EPB41L2: variants seen among roughly 807,000 people sequenced by gnomAD.
EPB41L2 encodes the protein erythrocyte membrane protein band 4.1 like 2.
Under a neutral mutation model 113.0 loss-of-function variants are expected in EPB41L2, and 43 were observed. The ratio of observed to expected loss-of-function variants is 0.38; its 90% CI spans 0.30 to 0.49. The LOEUF is 0.49. EPB41L2 is among the 20% of genes least tolerant of loss of function. EPB41L2 has a pLI of 0.95. For synonymous variants in EPB41L2, 442 were observed against 436.7 expected (o/e 1.01, Z -0.15); for missense variants, 1,147 against 1,223.4 (o/e 0.94, Z 0.93).
At chr6:130,993,921 G>A (rs1433348770) in intron 1 of EPB41L2, among the ~76,000 whole-genome samples, 2 of 152,128 alleles carry the variant, frequency 1.3e-5, no homozygotes, top group East Asian at 3.8e-4. Flanking sequence ...AAGCTTCCAG[G>A]TATAAGGTTA....
intron 1 of EPB41L2, among the ~76,000 whole-genome samples, chr6:130,999,222 C>T (rs2128708997): frequency 6.6e-6 from 1 of 152,274 alleles, no homozygotes; most frequent in East Asian, 1.9e-4. Context: ...CACTTTTCTA[C>T]ACTCTAGGCC....
intron 1 of EPB41L2, among the ~76,000 whole-genome samples, chr6:131,012,020 C>T (rs749287437): frequency 7.9e-5 from 12 of 152,162 alleles, no homozygotes; most frequent in Non-Finnish European, 1.3e-4. Context: ...GCCTGGCCAA[C>T]ATGGCAATAC....
chr6:130,992,544 C>T (rs1782128133), intron 1 of EPB41L2, among the ~76,000 whole-genome samples: 1 of 152,158 alleles, frequency 6.6e-6, no homozygotes, highest in South Asian at 2.1e-4. Context: ...CTCAATACAG[C>T]CATCATTCCT....
chr6:130,969,915 A>G (rs1776342998), intron 1 of EPB41L2, among the ~76,000 whole-genome samples: 1 of 152,238 alleles, frequency 6.6e-6, no homozygotes, highest in East Asian at 1.9e-4. Flanking sequence ...TATAAAAGAA[A>G]CCAACTAGCT....
intron 1 of EPB41L2, among the ~76,000 whole-genome samples, chr6:130,966,088 T>C (rs1487020774): frequency 1.3e-5 from 2 of 152,184 alleles, no homozygotes; most frequent in Admixed American, 1.3e-4. Context: ...CAAATTTGTG[T>C]TGGGCAGGAT....
chr6:130,844,442 G>C (rs1776387815), intron 19 of EPB41L2, among the ~76,000 whole-genome samples: 1 of 151,538 alleles, frequency 6.6e-6, no homozygotes, highest in Non-Finnish European at 1.5e-5. Flanking sequence ...CATGGTGGTG[G>C]GCGCCTGTAG....
chr6:130,970,812 C>A (rs9398967), intron 1 of EPB41L2, among the ~76,000 whole-genome samples: 1 of 152,038 alleles, frequency 6.6e-6, no homozygotes, highest in South Asian at 2.1e-4. Context: ...AGTACCAAAC[C>A]CAACTCATCA....
intron 1 of EPB41L2, among the ~76,000 whole-genome samples, chr6:131,036,030 G>A (rs1793234659): frequency 6.6e-6 from 1 of 152,158 alleles, no homozygotes; most frequent in Admixed American, 6.6e-5. Flanking sequence ...CTGGATCTGA[G>A]GCTAATTTGC....
At chr6:130,959,109 G>A (rs1486829329) in intron 1 of EPB41L2, among the ~76,000 whole-genome samples, 1 of 152,158 alleles carries the variant, frequency 6.6e-6, no homozygotes, top group Non-Finnish European at 1.5e-5. Flanking sequence ...TGATGTCCGG[G>A]CTGAATATAG....
At chr6:131,002,456 C>G (rs964228997) in intron 1 of EPB41L2, among the ~76,000 whole-genome samples, 1 of 152,144 alleles carries the variant, frequency 6.6e-6, no homozygotes, top group Non-Finnish European at 1.5e-5. Context: ...CATTAATAAA[C>G]AGGTCAAATT....
intron 3 of EPB41L2, among the ~76,000 whole-genome samples, chr6:130,933,604 A>C (rs1010173594): frequency 6.6e-6 from 1 of 152,206 alleles, no homozygotes; most frequent in Non-Finnish European, 1.5e-5. Context: ...AAAACAAGAC[A>C]ATTTGGATGG....
intron 1 of EPB41L2, among the ~76,000 whole-genome samples, chr6:130,986,050 T>G (rs763636580): frequency 6.6e-6 from 1 of 151,976 alleles, no homozygotes; most frequent in Non-Finnish European, 1.5e-5. Context: ...CCTATAAACA[T>G]ACGGGCAAAA....
intron 19 of EPB41L2, among the ~76,000 whole-genome samples, chr6:130,849,487 A>G (rs527884250): frequency 2.0e-5 from 3 of 152,314 alleles, no homozygotes; most frequent in African/African-American, 7.2e-5. Context: ...TTAGTTACTC[A>G]TCTTTTCAAG....
At chr6:130,926,879 C>T (rs1488499734) in intron 3 of EPB41L2, among the ~76,000 whole-genome samples, 170 bp from the exon 4 acceptor site, 2 of 152,140 alleles carry the variant, frequency 1.3e-5, no homozygotes, top group African/African-American at 4.8e-5. Context: ...AGCCCTCCCA[C>T]CCTGCACACA....
At chr6:131,049,749 T>C (rs1405343871) in intron 1 of EPB41L2, among the ~76,000 whole-genome samples, 5 of 152,018 alleles carry the variant, frequency 3.3e-5, no homozygotes, top group African/African-American at 4.9e-5. Flanking sequence ...TATTTCAAAA[T>C]GTTGACACAT....
rs1972244 is a variant in EPB41L2 at position 131,023,528 on chromosome 6, C to A, written c.-15+39627G>T. ...GGAAACCCTGTCTCTACTAAAAATA[C>A]AAAAATTAGCCGGGCATGGTGGTGC... On this transcript the variant is annotated intron_variant, in intron 1 of 19. Coordinates refer to ENST00000337057, the MANE Select transcript of EPB41L2 (RefSeq NM_001431.4). Among the ~76,000 whole-genome samples, 1,782 of 151,940 alleles carry A rather than the reference C, an allele frequency of 0.012. 190 individuals are homozygous for A. The East Asian group carries it at 0.27, about 23-fold the overall frequency.
At chr6:131,023,088 T>A (rs1789882234) in intron 1 of EPB41L2, among the ~76,000 whole-genome samples, 1 of 152,224 alleles carries the variant, frequency 6.6e-6, no homozygotes, top group South Asian at 2.1e-4. Flanking sequence ...TAGTATGTCC[T>A]AAAAAACTAC....
chr6:131,054,824 C>T (rs752105337), intron 1 of EPB41L2, among the ~76,000 whole-genome samples: 4 of 152,248 alleles, frequency 2.6e-5, no homozygotes, highest in Non-Finnish European at 4.4e-5. Flanking sequence ...TGAGCTTCCA[C>T]AGCCCTTCAT....
chr6:130,928,321 A>G (rs1438941502), intron 3 of EPB41L2, among the ~76,000 whole-genome samples: 1 of 152,196 alleles, frequency 6.6e-6, no homozygotes, highest in African/African-American at 2.4e-5. Context: ...TCCACTACTT[A>G]CAAGCTATGT....
Sources: allele counts gnomAD v4.1 joint callset (sites outside exome capture counted in the v4.1 genomes callset), GRCh38; gene constraint gnomAD v4.1.1; transcripts MANE v1.5; gene names NCBI Gene and HGNC (gene_info 2026-07-23, HGNC 2026-07-21).